CCDC149: variants seen among roughly 807,000 people sequenced by gnomAD.
CCDC149 encodes coiled-coil domain containing 149.
CCDC149 carries 45 observed loss-of-function variants against 59.9 expected under a neutral mutation model. That is an observed-to-expected ratio of 0.75 (90% CI 0.59 to 0.96). The LOEUF is 0.96. CCDC149 is among the 40% of genes least tolerant of loss of function. The pLI is 0.00. For missense variants in CCDC149, 584 were observed against 664.7 expected (o/e 0.88, Z 1.33); for synonymous variants, 245 against 260.6 (o/e 0.94, Z 0.58).
intron 1 of CCDC149, among the ~76,000 whole-genome samples, chr4:24,970,527 T>C (rs537044308): frequency 2.2e-4 from 34 of 152,254 alleles, no homozygotes; most frequent in African/African-American, 7.9e-4. Context: ...TGAGAAACAC[T>C]GGGGTAACAC....
intron 12 of CCDC149, among the ~76,000 whole-genome samples, chr4:24,811,001 G>A (rs1344435007): frequency 1.3e-5 from 2 of 152,142 alleles, no homozygotes; most frequent in African/African-American, 4.8e-5. Context: ...AACTCCAAGT[G>A]CTCATCAACA....
At chr4:24,931,946 A>G (rs1453766510) in intron 1 of CCDC149, among the ~76,000 whole-genome samples, 1 of 151,096 alleles carries the variant, frequency 6.6e-6, no homozygotes, top group Non-Finnish European at 1.5e-5. Context: ...AAATCCTCAT[A>G]GTAACCCTAT....
At chr4:24,927,578 G>T (rs1261544059) in intron 1 of CCDC149, among the ~76,000 whole-genome samples, 2 of 152,220 alleles carry the variant, frequency 1.3e-5, no homozygotes, top group Non-Finnish European at 2.9e-5. Flanking sequence ...AGCAGGTGCT[G>T]AAACCTTCTC....
chr4:24,852,047 C>G (rs1181527894), intron 4 of CCDC149, among the ~76,000 whole-genome samples: 1 of 151,476 alleles, frequency 6.6e-6, no homozygotes, highest in African/African-American at 2.4e-5. Flanking sequence ...TGTTTATATG[C>G]CCTCAAGTCA....
At chr4:24,926,306 A>G (rs1440807253) in intron 1 of CCDC149, among the ~76,000 whole-genome samples, 1 of 152,256 alleles carries the variant, frequency 6.6e-6, no homozygotes, top group African/African-American at 2.4e-5. Context: ...GCCTGAAATC[A>G]AGTTTAATAA....
At chr4:24,810,529 G>C (rs1159362168) in intron 12 of CCDC149, among the ~76,000 whole-genome samples, 1 of 152,138 alleles carries the variant, frequency 6.6e-6, no homozygotes, top group Admixed American at 6.5e-5. Flanking sequence ...GCTGAAATGA[G>C]ATCTGCCTGG....
intron 9 of CCDC149, chr4:24,829,825 C>T (rs980887059): frequency 5.3e-5 from 8 of 152,298 alleles, no homozygotes; most frequent in Non-Finnish European, 7.3e-5. Context: ...TAAGTGACCT[C>T]CCGGAATACA....
At chr4:24,881,347 A>T (rs1440017807) in intron 1 of CCDC149, among the ~76,000 whole-genome samples, 1 of 152,182 alleles carries the variant, frequency 6.6e-6, no homozygotes, top group Non-Finnish European at 1.5e-5. Context: ...TGGGATTGGA[A>T]GGGATGTGAG....
intron 1 of CCDC149, among the ~76,000 whole-genome samples, chr4:24,969,619 G>A (rs1380249383): frequency 1.3e-5 from 2 of 152,174 alleles, no homozygotes; most frequent in South Asian, 2.1e-4. Flanking sequence ...AACCTTGAAC[G>A]AACGGCCACA....
chr4:24,923,074 C>T (rs939616400), intron 1 of CCDC149, among the ~76,000 whole-genome samples: 9 of 152,136 alleles, frequency 5.9e-5, no homozygotes, highest in African/African-American at 1.9e-4. Flanking sequence ...TTATCAGAAG[C>T]GCCCCTGATG....
intron 4 of CCDC149, 91 bp from the exon 5 acceptor site, chr4:24,838,363 T>C: frequency 1.1e-6 from 1 of 871,370 alleles, no homozygotes; most frequent in Non-Finnish European, 1.9e-6. Context: ...TTTTGGAAGA[T>C]AAGATACTTT....
chr4:24,840,092 T>C, intron 4 of CCDC149, among the ~76,000 whole-genome samples: 1 of 152,168 alleles, frequency 6.6e-6, no homozygotes, highest in East Asian at 1.9e-4. Flanking sequence ...TAAATTGAAA[T>C]AATAAATAAC....
chr4:24,974,794 C>T (rs778424306), intron 1 of CCDC149, among the ~76,000 whole-genome samples: 4 of 152,056 alleles, frequency 2.6e-5, no homozygotes, highest in Admixed American at 1.3e-4. Flanking sequence ...TTTCAGCCAC[C>T]CCATCCTGGT....
chr4:24,967,165 C>T (rs1723827189), intron 1 of CCDC149, among the ~76,000 whole-genome samples: 1 of 152,166 alleles, frequency 6.6e-6, no homozygotes, highest in Non-Finnish European at 1.5e-5. Context: ...CATTACAAGC[C>T]ATGGCCAGGG....
intron 2 of CCDC149, among the ~76,000 whole-genome samples, chr4:24,875,368 GAAATCTGGATGATTC>G (rs1000285998): frequency 4.0e-5 from 6 of 151,888 alleles, no homozygotes; most frequent in South Asian, 2.1e-4. Flanking sequence ...TGTATGCCTA[GAAATCTGGATGATTC>G]AAATCTGGAT....
intron 1 of CCDC149, among the ~76,000 whole-genome samples, chr4:24,965,189 T>G (rs1412952209): frequency 6.6e-6 from 1 of 151,208 alleles, no homozygotes; most frequent in Non-Finnish European, 1.5e-5. Flanking sequence ...GATTACTTCT[T>G]ATGAATTTCT....
chr4:24,892,142 T>C (rs1249747849), intron 1 of CCDC149, among the ~76,000 whole-genome samples: 1 of 152,184 alleles, frequency 6.6e-6, no homozygotes, highest in Non-Finnish European at 1.5e-5. Flanking sequence ...CTTAAAAAGA[T>C]AGAAGGCAGT....
chr4:24,822,221 A>G (rs1047052715), intron 10 of CCDC149, among the ~76,000 whole-genome samples: 3 of 152,204 alleles, frequency 2.0e-5, no homozygotes, highest in Non-Finnish European at 4.4e-5. Flanking sequence ...AAATACAGAC[A>G]CAGTGACAAT....
intron 1 of CCDC149, among the ~76,000 whole-genome samples, chr4:24,922,216 G>A (rs1241240349): frequency 1.3e-5 from 2 of 152,134 alleles, no homozygotes; most frequent in African/African-American, 4.8e-5. Flanking sequence ...TGGGAGGAGG[G>A]CACAATCCAG....
Sources: allele counts gnomAD v4.1 joint callset (sites outside exome capture counted in the v4.1 genomes callset), GRCh38; gene constraint gnomAD v4.1.1; transcripts MANE v1.5; gene names NCBI Gene and HGNC (gene_info 2026-07-23, HGNC 2026-07-21).